The following CMTM8 variants were observed in gnomAD, a reference collection of about 807,000 sequenced individuals.
The protein encoded by CMTM8 is CKLF-like MARVEL transmembrane domain-containing protein 8.
In CMTM8, 12 loss-of-function variants were observed where a neutral mutation model predicts 18.6. That is an observed-to-expected ratio of 0.65 (90% CI 0.41 to 1.05). The LOEUF (loss-of-function observed/expected upper bound fraction) is 1.05. Among genes scored for constraint, CMTM8 ranks in the 50% least tolerant of loss-of-function variants. The pLI, the probability that CMTM8 is intolerant of heterozygous loss-of-function variation, is 0.00. For synonymous variants in CMTM8, 87 were observed against 90.6 expected (o/e 0.96, Z 0.23); for missense variants, 217 against 227.2 (o/e 0.95, Z 0.29).
intron 1 of CMTM8, among the ~76,000 whole-genome samples, chr3:32,249,429 C>CA (rs1437626151): frequency 7.9e-6 from 1 of 126,234 alleles, no homozygotes; most frequent in East Asian, 2.3e-4. Context: ...GATCCTACCT[C>CA]AAAAAATGAA....
intron 1 of CMTM8, among the ~76,000 whole-genome samples, chr3:32,276,592 G>A (rs972110608): frequency 4.6e-5 from 7 of 152,098 alleles, no homozygotes; most frequent in East Asian, 1.9e-4. Flanking sequence ...CTGAAATTGC[G>A]CCACACAAGA....
intron 1 of CMTM8, among the ~76,000 whole-genome samples, chr3:32,355,089 A>G (rs77548718): frequency 0.052 from 7,945 of 152,256 alleles, 284 homozygotes; most frequent in East Asian, 0.11. Context: ...GCTCCCTGGC[A>G]CAGGCACCAA....
chr3:32,248,583 C>T (rs1301639822), intron 1 of CMTM8, among the ~76,000 whole-genome samples: 2 of 151,952 alleles, frequency 1.3e-5, no homozygotes, highest in Non-Finnish European at 1.5e-5. Context: ...AGGTTGGTCT[C>T]GAACTCCTGA....
intron 1 of CMTM8, among the ~76,000 whole-genome samples, chr3:32,327,728 G>T (rs1696190204): frequency 6.6e-6 from 1 of 152,166 alleles, no homozygotes; most frequent in African/African-American, 2.4e-5. Flanking sequence ...CAAAAAGATT[G>T]AAGTGTAGAA....
chr3:32,311,335 C>T (rs915301272), intron 1 of CMTM8, among the ~76,000 whole-genome samples: 5 of 152,228 alleles, frequency 3.3e-5, no homozygotes, highest in Admixed American at 6.5e-5. Flanking sequence ...CTATAGCTGC[C>T]TTTGTGCTCC....
chr3:32,300,383 G>A (rs905581733), intron 1 of CMTM8, among the ~76,000 whole-genome samples: 4 of 152,180 alleles, frequency 2.6e-5, no homozygotes, highest in Admixed American at 1.3e-4. Context: ...ACACAGAAAA[G>A]TAGGGGAAAT....
rs946154780 is a variant in CMTM8 at position 32,253,255 on chromosome 3, G to A, written c.147+14136G>A. Among the ~76,000 whole-genome samples, 6 of 151,270 alleles carry A rather than the reference G, an allele frequency of 4.0e-5. 1 individual carries two copies. The highest frequency in any genetic ancestry group is 8.9e-5 in the Non-Finnish European group (6 of 67,770). On this transcript the variant is annotated intron_variant, in intron 1 of 3. Coordinates refer to ENST00000307526, the MANE Select transcript of CMTM8 (RefSeq NM_178868.5). Reference sequence around the variant, plus strand: ...ATGTGCATATGTAAAATCAGCCTTAGTTTCCTTTGCTATATTCCATTTTGT... The same window carrying A: ...ATGTGCATATGTAAAATCAGCCTTAATTTCCTTTGCTATATTCCATTTTGT...
chr3:32,334,680 CGT>C (rs1345464809), intron 1 of CMTM8, among the ~76,000 whole-genome samples: 3 of 151,916 alleles, frequency 2.0e-5, no homozygotes, highest in African/African-American at 7.3e-5. Flanking sequence ...GAAGCCAACT[CGT>C]GTTTTCTCTT....
At chr3:32,247,665 T>A (rs965712116) in intron 1 of CMTM8, among the ~76,000 whole-genome samples, 1 of 152,212 alleles carries the variant, frequency 6.6e-6, no homozygotes, top group Non-Finnish European at 1.5e-5. Flanking sequence ...TTCACCATGT[T>A]GGCCAGGCTG....
At chr3:32,332,426 A>G (rs1409720127) in intron 1 of CMTM8, among the ~76,000 whole-genome samples, 1 of 151,524 alleles carries the variant, frequency 6.6e-6, no homozygotes, top group Non-Finnish European at 1.5e-5. Flanking sequence ...GCAAAATCAC[A>G]GTGGGTTTTG....
At chr3:32,352,154 G>A (rs1249765402) in intron 1 of CMTM8, among the ~76,000 whole-genome samples, 1 of 143,832 alleles carries the variant, frequency 7.0e-6, no homozygotes, top group African/African-American at 2.6e-5. Flanking sequence ...CTCCAGCCTG[G>A]GTGATGGAGT....
chr3:32,292,722 C>CT (rs928853914), intron 1 of CMTM8, among the ~76,000 whole-genome samples: 46 of 152,138 alleles, frequency 3.0e-4, no homozygotes, highest in African/African-American at 1.1e-3. Flanking sequence ...TTGTGGGATG[C>CT]TTAGCAGCAT....
At chr3:32,313,839 G>A (rs139059296) in intron 1 of CMTM8, among the ~76,000 whole-genome samples, 5 of 152,272 alleles carry the variant, frequency 3.3e-5, no homozygotes, top group Non-Finnish European at 7.4e-5. Flanking sequence ...CTTGTCACAC[G>A]ACCAGGAAAG....
chr3:32,246,247 C>T (rs1702013975), intron 1 of CMTM8, among the ~76,000 whole-genome samples: 1 of 152,168 alleles, frequency 6.6e-6, no homozygotes, highest in Admixed American at 6.5e-5. Flanking sequence ...TAAGGGCCCC[C>T]CTGCCATCTG....
At chr3:32,257,961 T>C (rs1019259719) in intron 1 of CMTM8, among the ~76,000 whole-genome samples, 43 of 152,206 alleles carry the variant, frequency 2.8e-4, no homozygotes, top group African/African-American at 1.0e-3. Flanking sequence ...GCATGGGCTT[T>C]CTTAAGATGT....
chr3:32,295,548 C>T (rs770941666), intron 1 of CMTM8, among the ~76,000 whole-genome samples: 66 of 149,900 alleles, frequency 4.4e-4, no homozygotes, highest in Non-Finnish European at 7.7e-4. Context: ...GTGATAGACA[C>T]CCAATGAATA....
intron 1 of CMTM8, chr3:32,259,904 A>ATT (rs1702233103): frequency 2.0e-6 from 2 of 1,021,506 alleles, no homozygotes; most frequent in Non-Finnish European, 3.0e-6. Context: ...CCTGGAGAAC[A>ATT]GCCTGAGGGA....
intron 2 of CMTM8, among the ~76,000 whole-genome samples, chr3:32,365,319 G>A (rs1452035960): frequency 2.0e-5 from 3 of 150,436 alleles, no homozygotes; most frequent in Non-Finnish European, 3.0e-5. Flanking sequence ...AAAAAAGAGA[G>A]AAAGAGAACA....
At chr3:32,269,399 TTCA>T (rs1702400513) in intron 1 of CMTM8, among the ~76,000 whole-genome samples, 1 of 152,268 alleles carries the variant, frequency 6.6e-6, no homozygotes, top group African/African-American at 2.4e-5. Context: ...TTGAGCAGTT[TTCA>T]TTTTCATTCA....
Sources: allele counts gnomAD v4.1 joint callset (sites outside exome capture counted in the v4.1 genomes callset), GRCh38; gene constraint gnomAD v4.1.1; transcripts MANE v1.5; gene names NCBI Gene and HGNC (gene_info 2026-07-23, HGNC 2026-07-21).